SPAG16: variants seen among roughly 807,000 people sequenced by gnomAD.
The protein encoded by SPAG16 is sperm-associated antigen 16 protein.
A neutral mutation model predicts 80.4 loss-of-function variants in SPAG16; 86 were observed. The observed-to-expected ratio is 1.07, with a 90% CI of 0.90 to 1.28. The LOEUF (loss-of-function observed/expected upper bound fraction) is 1.28. SPAG16 is among the 50% of genes most tolerant of loss of function. The pLI, the probability that SPAG16 is intolerant of heterozygous loss-of-function variation, is 0.00. For synonymous variants in SPAG16, 294 were observed against 265.9 expected, an observed-to-expected ratio of 1.11 and a Z score of -1.03; for missense variants, 870 against 765.3, an observed-to-expected ratio of 1.14 and a Z score of -1.61.
chr2:214,317,168 T>A (rs1232629632), intron 15 of SPAG16, among the ~76,000 whole-genome samples: 1 of 152,132 alleles, frequency 6.6e-6, no homozygotes, highest in Admixed American at 6.5e-5. Context: ...AACTCCTGAT[T>A]TCACAGTTGA....
At chr2:213,425,739 A>ATTCTAT (rs1475868658) in intron 9 of SPAG16, among the ~76,000 whole-genome samples, 17 of 152,016 alleles carry the variant, frequency 1.1e-4, no homozygotes, top group Non-Finnish European at 2.1e-4. Flanking sequence ...TTATATGAAT[A>ATTCTAT]TTCTATTAAC....
intron 15 of SPAG16, among the ~76,000 whole-genome samples, chr2:214,210,545 AC>A (rs2058263925): frequency 6.6e-6 from 1 of 152,082 alleles, no homozygotes; most frequent in Non-Finnish European, 1.5e-5. Context: ...TTGTGCTCTT[AC>A]CCCATGCATA....
intron 15 of SPAG16, among the ~76,000 whole-genome samples, chr2:214,291,410 A>T (rs1576694821): frequency 7.5e-6 from 1 of 133,086 alleles, no homozygotes. Flanking sequence ...GGTTCACGCC[A>T]TTCTCCTGCC....
At chr2:214,382,934 G>T (rs543939683) in intron 15 of SPAG16, among the ~76,000 whole-genome samples, 1 of 152,084 alleles carries the variant, frequency 6.6e-6, no homozygotes, top group East Asian at 1.9e-4. Flanking sequence ...CACAACTGAG[G>T]CCATGCCTAT....
intron 15 of SPAG16, among the ~76,000 whole-genome samples, chr2:214,382,446 A>T (rs1415305232): frequency 6.6e-6 from 1 of 152,206 alleles, no homozygotes; most frequent in African/African-American, 2.4e-5. Context: ...ACTCAACATT[A>T]GTGTAATAAG....
intron 11 of SPAG16, 34 bp downstream of exon 11, chr2:213,862,662 C>G (rs372356644): frequency 7.6e-5 from 123 of 1,611,044 alleles, no homozygotes; most frequent in Non-Finnish European, 1.0e-4. Context: ...ATAGCCTAAT[C>G]TCTCTAGGAA....
intron 12 of SPAG16, among the ~76,000 whole-genome samples, chr2:213,997,103 T>TA (rs2046558423): frequency 6.6e-6 from 1 of 152,230 alleles, no homozygotes; most frequent in Admixed American, 6.5e-5. Flanking sequence ...AGGGACTACA[T>TA]ATGCTGACTT....
At chr2:213,488,911 T>C (rs2074113255) in intron 9 of SPAG16, among the ~76,000 whole-genome samples, 1 of 150,146 alleles carries the variant, frequency 6.7e-6, no homozygotes. Context: ...AACCGTCTAC[T>C]AAAAATACAA....
intron 11 of SPAG16, among the ~76,000 whole-genome samples, chr2:213,913,591 A>G (rs1474621788): frequency 1.8e-3 from 12 of 6,706 alleles, no homozygotes; most frequent in Non-Finnish European, 8.2e-3. Context: ...ACATGTACAT[A>G]TATGTATATG....
intron 13 of SPAG16, among the ~76,000 whole-genome samples, chr2:214,061,981 G>A (rs1576027768): frequency 9.0e-6 from 1 of 111,538 alleles, no homozygotes; most frequent in African/African-American, 3.5e-5. Context: ...ATAAAAGCAT[G>A]CACACACACA....
At chr2:214,190,950 A>G (rs904528243) in intron 15 of SPAG16, among the ~76,000 whole-genome samples, 1 of 152,152 alleles carries the variant, frequency 6.6e-6, no homozygotes, top group Non-Finnish European at 1.5e-5. Flanking sequence ...GTAAATACAT[A>G]TTTGTCAAAA....
intron 12 of SPAG16, among the ~76,000 whole-genome samples, chr2:213,972,021 A>G (rs967249313): frequency 6.6e-6 from 1 of 151,842 alleles, no homozygotes; most frequent in East Asian, 1.9e-4. Flanking sequence ...ACAGGCATAC[A>G]ATGTATAATT....
chr2:214,233,343 TAATGA>T (rs1688838313), intron 15 of SPAG16, among the ~76,000 whole-genome samples: 1 of 143,158 alleles, frequency 7.0e-6, no homozygotes, highest in Non-Finnish European at 1.5e-5. Flanking sequence ...AAATAGATAA[TAATGA>T]TGATGATGAT....
At chr2:214,115,740 T>C (rs2053899220) in intron 14 of SPAG16, among the ~76,000 whole-genome samples, 1 of 151,956 alleles carries the variant, frequency 6.6e-6, no homozygotes, top group Non-Finnish European at 1.5e-5. Context: ...TAGCCAGGTG[T>C]GGTCTTGTGT....
At chr2:214,054,880 T>C (rs1048535364) in intron 13 of SPAG16, among the ~76,000 whole-genome samples, 2 of 152,204 alleles carry the variant, frequency 1.3e-5, no homozygotes, top group Admixed American at 6.5e-5. Flanking sequence ...CAGTATTCTA[T>C]TGGGGAAAGC....
At chr2:213,742,608 G>A (rs2067615472) in intron 10 of SPAG16, among the ~76,000 whole-genome samples, 1 of 142,922 alleles carries the variant, frequency 7.0e-6, no homozygotes. Flanking sequence ...GCTGGAGTGC[G>A]TGGCGCAATC....
At chr2:213,982,246 A>G (rs144082647) in intron 12 of SPAG16, among the ~76,000 whole-genome samples, 146 of 152,202 alleles carry the variant, frequency 9.6e-4, no homozygotes, top group African/African-American at 3.3e-3. Context: ...CCATGTGCCC[A>G]TGTATTTGGA....
At chr2:214,238,548 A>T (rs1355907777) in intron 15 of SPAG16, 2 of 152,088 alleles carry the variant, frequency 1.3e-5, no homozygotes, top group African/African-American at 2.4e-5. Flanking sequence ...TTGCATTTTA[A>T]TCAGAAACTA....
chr2:213,994,525 G>T (rs908884686), intron 12 of SPAG16, among the ~76,000 whole-genome samples: 1 of 150,136 alleles, frequency 6.7e-6, no homozygotes, highest in Non-Finnish European at 1.5e-5. Context: ...GTGTCTTACA[G>T]TTCAGTTATT....
Sources: allele counts gnomAD v4.1 joint callset (sites outside exome capture counted in the v4.1 genomes callset), GRCh38; gene constraint gnomAD v4.1.1; transcripts MANE v1.5; gene names NCBI Gene and HGNC (gene_info 2026-07-23, HGNC 2026-07-21).